The following ST18 variants were observed in gnomAD, a reference collection of about 807,000 sequenced individuals.
The protein encoded by ST18 is suppression of tumorigenicity 18 protein.
ST18 carries 50 observed loss-of-function variants against 110.0 expected under a neutral mutation model. That is an observed-to-expected ratio of 0.45 (90% CI 0.36 to 0.58). The LOEUF (loss-of-function observed/expected upper bound fraction) is 0.58. Among genes scored for constraint, ST18 ranks in the 20% least tolerant of loss-of-function variants. The probability of loss-of-function intolerance (pLI) is 0.00; values close to 1 mark genes in which losing one functional copy is unlikely to be tolerated. For missense variants in ST18, 1,306 were observed against 1,280.1 expected (o/e 1.02, Z -0.31); for synonymous variants, 461 against 452.4 (o/e 1.02, Z -0.24).
At chr8:52,376,227 C>A (rs1226985412) in intron 2 of ST18, among the ~76,000 whole-genome samples, 2 of 152,196 alleles carry the variant, frequency 1.3e-5, no homozygotes, top group Non-Finnish European at 2.9e-5. Flanking sequence ...CTTACAGTGA[C>A]CTCTAAGGGA....
chr8:52,161,574 G>A lies in ST18; in HGVS notation c.1401-6C>T. The A allele has an allele frequency of 6.2e-7, 1 of 1,613,978 alleles. No homozygotes were observed. Among genetic ancestry groups the A allele is most frequent in the Non-Finnish European group, 8.5e-7 (1 of 1,179,902 alleles). ...TTTGCTTCACCAAACTTGTCCTGGAGAGGGGGGTGAAGCAGTTCAAAAGAA... is the reference window on the plus strand; with the variant it reads ...TTTGCTTCACCAAACTTGTCCTGGAAAGGGGGGTGAAGCAGTTCAAAAGAA... On this transcript the variant is annotated splice_polypyrimidine_tract_variant and splice_region_variant and intron_variant, in intron 13 of 25. Transcript: ENST00000689386.
intron 2 of ST18, among the ~76,000 whole-genome samples, chr8:52,321,833 C>T (rs531702527): frequency 2.2e-4 from 33 of 152,290 alleles, no homozygotes; most frequent in African/African-American, 7.2e-4. Context: ...CATCCTGATG[C>T]CTTGCCACTC....
Position 52,180,116 on chromosome 8 carries a change from T to G in ST18, c.277+6A>C, listed in dbSNP as rs997315442. 6.2e-7 allele frequency: 1 copy of G among 1,613,406 alleles called. No homozygotes were observed. Among genetic ancestry groups the G allele is most frequent in the Non-Finnish European group, 8.5e-7 (1 of 1,179,472 alleles). On this transcript the variant is annotated splice_donor_region_variant and intron_variant, in intron 9 of 25. Coordinates refer to ENST00000689386, the MANE Select transcript of ST18 (RefSeq NM_001352837.2). ...CAGGTAAAGTTTGGGCTCTCCTCCTTGCTACCTGCGGTAGAGTGACCATGT... is the reference window on the plus strand; with the variant it reads ...CAGGTAAAGTTTGGGCTCTCCTCCTGGCTACCTGCGGTAGAGTGACCATGT...
chr8:52,382,507 G>A (rs1834940791), intron 2 of ST18, among the ~76,000 whole-genome samples: 2 of 152,238 alleles, frequency 1.3e-5, no homozygotes, highest in South Asian at 4.1e-4. Flanking sequence ...TGACTTTGTA[G>A]TGTTTCAAGG....
rs1203001520 is a variant in ST18, at chr8:52,111,101, C to G, written c.*2097G>C. ...TACAAAGTAGGCAAATAAATACAAACATACTTCACAAAACATCCTGCTCAA... is the reference window on the plus strand; with the variant it reads ...TACAAAGTAGGCAAATAAATACAAAGATACTTCACAAAACATCCTGCTCAA... On this transcript the variant is annotated 3_prime_UTR_variant, in exon 26 of 26. Transcript: ENST00000689386. 4 of 397,042 alleles carry G rather than the reference C, an allele frequency of 1.0e-5. No homozygotes were observed. Among genetic ancestry groups the G allele is most frequent in the African/African-American group, 8.2e-5 (4 of 48,552 alleles). The allele number at this position is 397,042 out of a possible 1,614,324, so 24.6% of individuals were successfully genotyped here. A position where few individuals can be genotyped will look rare whatever the true frequency, so the allele number is the denominator to read the frequency against.
At chr8:52,127,024 A>G (rs924805487) in intron 22 of ST18, among the ~76,000 whole-genome samples, 5 of 152,252 alleles carry the variant, frequency 3.3e-5, no homozygotes, top group Non-Finnish European at 5.9e-5. Flanking sequence ...TTTAGATCAA[A>G]ATAGTGATGA....
intron 11 of ST18, among the ~76,000 whole-genome samples, chr8:52,166,450 C>T (rs763055504): frequency 6.6e-6 from 1 of 152,168 alleles, no homozygotes; most frequent in Non-Finnish European, 1.5e-5. Flanking sequence ...TGCCCTCGAG[C>T]CTGCTGAAAT....
chr8:52,340,272 A>G (rs765122739), intron 2 of ST18, among the ~76,000 whole-genome samples: 6 of 152,258 alleles, frequency 3.9e-5, no homozygotes, highest in Non-Finnish European at 8.8e-5. Flanking sequence ...AAAGCACAGA[A>G]CTATTCCCAT....
intron 2 of ST18, among the ~76,000 whole-genome samples, chr8:52,269,908 ACT>A (rs780661211): frequency 3.3e-5 from 5 of 151,966 alleles, no homozygotes; most frequent in Non-Finnish European, 4.4e-5. Flanking sequence ...AGGGATGGAA[ACT>A]CTTCCAAGTG....
chr8:52,130,102 GAAAGAAAGAAAGAAAGA>G (rs1388233630), intron 22 of ST18, among the ~76,000 whole-genome samples: 8 of 94,248 alleles, frequency 8.5e-5, no homozygotes, highest in Non-Finnish European at 1.8e-4. Flanking sequence ...GAAAAAGAAA[GAAAGAAAGAAAGAAAGA>G]AAAGAAAGAA....
chr8:52,145,870 C>G (rs1053143281), intron 16 of ST18, among the ~76,000 whole-genome samples: 2 of 152,054 alleles, frequency 1.3e-5, no homozygotes, highest in African/African-American at 4.8e-5. Context: ...AACTGACAGC[C>G]CTAGTTATTT....
intron 10 of ST18, among the ~76,000 whole-genome samples, chr8:52,170,495 T>A (rs567248707): frequency 5.1e-4 from 76 of 149,350 alleles, no homozygotes; most frequent in East Asian, 2.9e-3. Flanking sequence ...AATAAATAAA[T>A]AAAAATGGAG....
intron 2 of ST18, among the ~76,000 whole-genome samples, chr8:52,391,464 C>T (rs35361856): frequency 0.24 from 36,527 of 152,074 alleles, 4,591 homozygotes; most frequent in East Asian, 0.34. Flanking sequence ...TTCAGTCGCG[C>T]GTCTCACAAA....
chr8:52,139,517 G>A (rs576576430), intron 17 of ST18, among the ~76,000 whole-genome samples: 119 of 151,744 alleles, frequency 7.8e-4, no homozygotes, highest in African/African-American at 2.8e-3. Flanking sequence ...CACCATGCCC[G>A]ACTAATTTTT....
chr8:52,134,513 T>C (rs2051156682), intron 19 of ST18, among the ~76,000 whole-genome samples: 2 of 152,194 alleles, frequency 1.3e-5, no homozygotes, highest in Non-Finnish European at 2.9e-5. Context: ...GAAAAATGTG[T>C]TTACTATCCC....
intron 18 of ST18, 121 bp from the exon 19 acceptor site, chr8:52,136,779 A>T (rs2052575870): frequency 1.2e-6 from 1 of 850,050 alleles, no homozygotes. Flanking sequence ...GGAAAAAAAA[A>T]TAACTGGCTT....
intron 2 of ST18, among the ~76,000 whole-genome samples, chr8:52,248,722 C>A (rs2094053320): frequency 6.6e-6 from 1 of 152,090 alleles, no homozygotes; most frequent in South Asian, 2.1e-4. Flanking sequence ...GTACAGCAAG[C>A]AAATAACCAC....
At chr8:52,409,175 G>GCCATGC (rs1845554853) in intron 2 of ST18, 153 bp downstream of exon 2, 1 of 152,374 alleles carries the variant, frequency 6.6e-6, no homozygotes, top group South Asian at 2.1e-4. Flanking sequence ...ACACAGGGCT[G>GCCATGC]CCATGCCCAT....
chr8:52,266,641 A>C lies in ST18; in HGVS notation c.-464-36564T>G, dbSNP rs995007772. On this transcript the variant is annotated intron_variant, in intron 2 of 25. Transcript: ENST00000689386. The stretch of plus-strand genomic sequence containing the variant: ...ACTGCAGCCTCCACCTCCCAGGTTT[A>C]AGTGATTCTCCTGCCTCAGCCTCCA... Among the ~76,000 whole-genome samples the C allele has an allele frequency of 7.4e-5, 11 of 149,438 alleles. 1 individual carries two copies. Among genetic ancestry groups the C allele is most frequent in the East Asian group, 5.9e-4 (3 of 5,090 alleles).
Sources: gnomAD v4.1 joint callset for allele counts (sites outside exome capture counted in the v4.1 genomes callset) on GRCh38, gnomAD v4.1.1 for gene constraint, MANE v1.5 for transcripts, NCBI Gene and HGNC (gene_info 2026-07-23, HGNC 2026-07-21) for gene names.